HECTD4: variants seen among roughly 807,000 people sequenced by gnomAD.
HECTD4 encodes the protein probable E3 ubiquitin-protein ligase HECTD4.
A neutral mutation model predicts 471.5 loss-of-function variants in HECTD4; 114 were observed. The ratio of observed to expected loss-of-function variants is 0.24; its 90% CI spans 0.21 to 0.28. The LOEUF (loss-of-function observed/expected upper bound fraction) is 0.28, where lower values mean the gene tolerates loss of function less well. HECTD4 is among the 10% of genes least tolerant of loss of function. The pLI is 1.00. For missense variants in HECTD4, 3,866 were observed against 5,651.5 expected, an observed-to-expected ratio of 0.68 and a Z score of 10.13; for synonymous variants, 2,012 against 2,256.0, an observed-to-expected ratio of 0.89 and a Z score of 3.07.
Position 112,184,602 on chromosome 12 carries a change from A to G in HECTD4, c.10364T>C (p.Val3455Ala). ...GAAGGCCAGTGTCTTCTCGGGCTCA[A>G]CTTTCCCGTCCCCGCCCTCGGCCTT... ...KDKAEGGDGK[V>A]EPEKTLAFPG... Residue 3455 changes from valine (V) to alanine (A), a missense_variant, in exon 61 of 76, where the codon GTT (valine) becomes GCT (alanine). Val to Ala is a moderately conservative substitution (Grantham distance 64). Transcript: ENST00000682272. The surrounding 1 kb of genome is among the most constrained non-coding windows in gnomAD (Gnocchi z 9.1). 6.2e-7 allele frequency: 1 copy of G among 1,613,812 alleles called. No homozygotes were observed.
rs1020935628 is a variant in HECTD4 at position 112,319,421 on chromosome 12, T to C, written c.499A>G (p.Ile167Val). The C allele has an allele frequency of 9.8e-6, 15 of 1,535,982 alleles. No individual in the cohort carries two copies. Among genetic ancestry groups the C allele is most frequent in the African/African-American group, 1.4e-5 (1 of 73,038 alleles). ...CAGTTCAATAGCACCTCAGCAGTTA[T>C]GTTACAGAGAGAGGGGTCTGTTCTA... ...QSRTDPSLCN[I>V]TAEVLLNCLR... The change falls in exon 2 of 76, where the codon ATA (isoleucine) becomes GTA (valine). Residue 167 changes from isoleucine (I) to valine (V), a missense_variant. Ile to Val is a conservative substitution (Grantham distance 29, BLOSUM62 3). This residue lies in a region of HECTD4 where 440 missense variants were observed against 636.0 expected (regional missense o/e 0.69). Transcript: ENST00000682272. This position sits in a 1 kb window ranked among gnomAD's most constrained non-coding sequence, Gnocchi z 5.3.
At chr12:112,364,356 G>A (rs1214192909) in intron 1 of HECTD4, among the ~76,000 whole-genome samples, 1 of 151,398 alleles carries the variant, frequency 6.6e-6, no homozygotes, top group Non-Finnish European at 1.5e-5. Flanking sequence ...GCAGTGAGCC[G>A]AGATTACGCC....
At chr12:112,169,695 G>A (rs369832935) in intron 69 of HECTD4, 37 bp from the exon 70 acceptor site, 47 of 1,609,618 alleles carry the variant, frequency 2.9e-5, no homozygotes, top group African/African-American at 1.5e-4. Context: ...GCACCCCGCC[G>A]TGGCCGCCCT....
intron 11 of HECTD4, among the ~76,000 whole-genome samples, chr12:112,270,922 A>T (rs745623624): frequency 1.3e-5 from 2 of 151,754 alleles, no homozygotes; most frequent in East Asian, 1.9e-4. Context: ...CCATATTAGA[A>T]CTCCTGTCTA....
At chr12:112,260,357 C>T (rs1003602413) in intron 18 of HECTD4, among the ~76,000 whole-genome samples, 1 of 152,168 alleles carries the variant, frequency 6.6e-6, no homozygotes, top group Non-Finnish European at 1.5e-5. Context: ...GACAGAACTA[C>T]GTATTACTAA....
intron 17 of HECTD4, 72 bp from the exon 18 acceptor site, chr12:112,261,501 T>C: frequency 7.2e-7 from 1 of 1,391,670 alleles, no homozygotes; most frequent in Admixed American, 1.8e-5. Context: ...CAACATGAAA[T>C]GATGTATTTA....
At chr12:112,245,045 C>T (rs1428361949) in intron 29 of HECTD4, among the ~76,000 whole-genome samples, 4 of 152,166 alleles carry the variant, frequency 2.6e-5, no homozygotes, top group Non-Finnish European at 2.9e-5. Context: ...CTCTGTTGCC[C>T]AGGCTGAAGA....
In HECTD4 at chr12:112,173,641, G is replaced by A. The variant is rs192010406; in HGVS notation, c.11595-780C>T. On this transcript the variant is annotated intron_variant, in intron 66 of 75. Coordinates refer to ENST00000682272, the MANE Select transcript of HECTD4 (RefSeq NM_001388303.1). The surrounding 1 kb of genome is among the most constrained non-coding windows in gnomAD (Gnocchi z 4.3). ...AATCTCCTGACCTTGTGATCCGCCCGCCTCAGCCTCCCAAAGTGCTGCGAT... is the reference window on the plus strand; with the variant it reads ...AATCTCCTGACCTTGTGATCCGCCCACCTCAGCCTCCCAAAGTGCTGCGAT... Among the ~76,000 whole-genome samples the A allele has an allele frequency of 1.4e-3, 209 of 151,894 alleles. 1 individual carries two copies. The highest frequency in any genetic ancestry group is 4.8e-3 in the African/African-American group (201 of 41,444).
rs1227358881 is a variant in HECTD4 at position 112,382,144 on chromosome 12, C to G, written c.-16G>C. 6 of 1,220,570 alleles carry G rather than the reference C, an allele frequency of 4.9e-6. No individual in the cohort carries two copies. Among genetic ancestry groups the G allele is most frequent in the Non-Finnish European group, 5.1e-6 (5 of 982,064 alleles). The allele number at this position is 1,220,570 out of a possible 1,614,324, so 75.6% of individuals were successfully genotyped here. A position where few individuals can be genotyped will look rare whatever the true frequency, so the allele number is the denominator to read the frequency against. On this transcript the variant is annotated 5_prime_UTR_variant, in exon 1 of 76. Transcript: ENST00000682272. ...ACGAGCCCATGGCCCCGGCTGAAGGCTTGGCGCTGAGGAGCAGACGCCCGG... is the reference window on the plus strand; with the variant it reads ...ACGAGCCCATGGCCCCGGCTGAAGGGTTGGCGCTGAGGAGCAGACGCCCGG...
In HECTD4 at chr12:112,349,219, C is replaced by A. The variant is rs151283572; in HGVS notation, c.178-29477G>T. 4.9e-4 allele frequency among the ~76,000 whole-genome samples: 75 copies of A among 152,052 alleles called. No individual in the cohort carries two copies. In the East Asian group the frequency reaches 0.013, roughly 27 times the overall value. On this transcript the variant is annotated intron_variant, in intron 1 of 75. Transcript: ENST00000682272. ...CCTAGCCAATATGGTGAAACCCCAT[C>A]TGTACTAAAAATACAAAAACTTAGC...
chr12:112,291,947 C>T (rs1223902382), intron 7 of HECTD4, among the ~76,000 whole-genome samples: 1 of 152,196 alleles, frequency 6.6e-6, no homozygotes, highest in Non-Finnish European at 1.5e-5. Context: ...ATGCAACCTA[C>T]ACATTATATA....
chr12:112,301,682 C>A (rs1186074862), intron 7 of HECTD4, among the ~76,000 whole-genome samples: 1 of 152,096 alleles, frequency 6.6e-6, no homozygotes, highest in African/African-American at 2.4e-5. Flanking sequence ...TTCTCTTTCC[C>A]TGATAATTCC....
Position 112,197,861 on chromosome 12 carries a change from A to AT in HECTD4, c.8567+2776dup, listed in dbSNP as rs1478295669. On this transcript the variant is annotated intron_variant, in intron 55 of 75. Coordinates refer to ENST00000682272, the MANE Select transcript of HECTD4 (RefSeq NM_001388303.1). Reference sequence around the variant, plus strand: ...TGTTTGGGGACCCTTTTCAGCATCTATTTTGAGTCTACAATGTGTGTCAGG... The same window carrying AT: ...TGTTTGGGGACCCTTTTCAGCATCTATTTTTGAGTCTACAATGTGTGTCAGG... Among the ~76,000 whole-genome samples, 3 of 152,316 alleles carry AT rather than the reference A, an allele frequency of 2.0e-5. No individual in the cohort carries two copies. In the East Asian group the frequency reaches 5.8e-4, roughly 29 times the overall value.
At position 112,194,828 on chromosome 12, in the gene HECTD4, G is replaced by A; in HGVS notation, c.8749+57C>T. ...CTCATGCAGGGAATGACTACACTGTGCACAGCGCCCGCCTGGTGCTAAGTT... is the reference window on the plus strand; with the variant it reads ...CTCATGCAGGGAATGACTACACTGTACACAGCGCCCGCCTGGTGCTAAGTT... On this transcript the variant is annotated intron_variant, in intron 56 of 75. Coordinates refer to ENST00000682272, the MANE Select transcript of HECTD4 (RefSeq NM_001388303.1). This position sits in a 1 kb window ranked among gnomAD's most constrained non-coding sequence, Gnocchi z 4.6. The A allele has an allele frequency of 2.0e-6, 3 of 1,486,308 alleles. No homozygotes were observed. Among genetic ancestry groups the A allele is most frequent in the Non-Finnish European group, 2.8e-6 (3 of 1,086,806 alleles). 92.1% of individuals were successfully genotyped at this position (1,486,308 alleles called of 1,614,324 possible).
chr12:112,348,190 A>G (rs1468929618), intron 1 of HECTD4, among the ~76,000 whole-genome samples: 1 of 152,252 alleles, frequency 6.6e-6, no homozygotes, highest in Non-Finnish European at 1.5e-5. Flanking sequence ...AATAAACTAG[A>G]TTAACACAAG....
intron 55 of HECTD4, 68 bp from the exon 56 acceptor site, chr12:112,195,134 C>T (rs1340983758): frequency 9.3e-6 from 13 of 1,400,728 alleles, no homozygotes; most frequent in Admixed American, 4.2e-5. Context: ...GGGACCAGGC[C>T]GCAGGTTCTG....
rs760853136 is a variant in HECTD4, at chr12:112,162,968, C to A, written c.13120+74G>T. The stretch of plus-strand genomic sequence containing the variant: ...TTCATTGTTCTCCCTTCACATGGGG[C>A]CTGGCAGCCCCAGTTCCAAACAGAG... On this transcript the variant is annotated intron_variant, in intron 75 of 75. Transcript: ENST00000682272. This position sits in a 1 kb window ranked among gnomAD's most constrained non-coding sequence, Gnocchi z 5.2. The A allele has an allele frequency of 8.3e-7, 1 of 1,201,460 alleles. No homozygotes were observed. Among genetic ancestry groups the A allele is most frequent in the Non-Finnish European group, 1.2e-6 (1 of 839,194 alleles). 74.4% of individuals were successfully genotyped at this position (1,201,460 alleles called of 1,614,324 possible). A position where few individuals can be genotyped will look rare whatever the true frequency, so the allele number is the denominator to read the frequency against.
chr12:112,178,149 C>T (rs1215676656), intron 64 of HECTD4, among the ~76,000 whole-genome samples: 1 of 152,128 alleles, frequency 6.6e-6, no homozygotes, highest in Non-Finnish European at 1.5e-5. Context: ...ACTGCAGCCT[C>T]GACCTCTGGG....
intron 65 of HECTD4, among the ~76,000 whole-genome samples, chr12:112,176,085 C>A (rs573322392): frequency 4.6e-4 from 70 of 152,378 alleles, no homozygotes; most frequent in Non-Finnish European, 2.4e-4. Flanking sequence ...TCTCCCTCAA[C>A]AGGCTGCAGT....
Sources: allele counts gnomAD v4.1 joint callset (sites outside exome capture counted in the v4.1 genomes callset), GRCh38; gene constraint gnomAD v4.1.1; regional missense constraint gnomAD v4.1.1; non-coding constraint Gnocchi (gnomAD v3.1); transcripts MANE v1.5; gene names NCBI Gene and HGNC (gene_info 2026-07-23, HGNC 2026-07-21).